MCU: variants seen among roughly 807,000 people sequenced by gnomAD.
The protein encoded by MCU is mitochondrial calcium uniporter, also known as calcium uniporter protein, mitochondrial.
Under a neutral mutation model 45.2 loss-of-function variants are expected in MCU, and 12 were observed. The ratio of observed to expected loss-of-function variants is 0.27; its 90% CI spans 0.17 to 0.43. The LOEUF (loss-of-function observed/expected upper bound fraction) is 0.43. MCU is among the 20% of genes least tolerant of loss of function. The pLI, the probability that MCU is intolerant of heterozygous loss-of-function variation, is 1.00. For missense variants in MCU, 324 were observed against 436.7 expected (o/e 0.74, Z 2.30); for synonymous variants, 160 against 165.1 (o/e 0.97, Z 0.24).
chr10:72,702,895 C>T (rs1299395276), intron 1 of MCU, among the ~76,000 whole-genome samples: 1 of 151,732 alleles, frequency 6.6e-6, no homozygotes, highest in Non-Finnish European at 1.5e-5. Context: ...AGGAGAATCA[C>T]TTGAACCGGG....
intron 2 of MCU, among the ~76,000 whole-genome samples, chr10:72,845,481 C>T (rs1285024356): frequency 6.6e-6 from 1 of 152,062 alleles, no homozygotes; most frequent in African/African-American, 2.4e-5. Context: ...TGATGTTGGT[C>T]CCAAAAGAGT....
chr10:72,697,968 A>C (rs571770422), intron 1 of MCU, among the ~76,000 whole-genome samples: 1 of 151,344 alleles, frequency 6.6e-6, no homozygotes, highest in African/African-American at 2.4e-5. Flanking sequence ...TTTTTGGAGA[A>C]ACAGTCTTGC....
At chr10:72,827,726 T>C (rs1844818990) in intron 1 of MCU, among the ~76,000 whole-genome samples, 1 of 152,208 alleles carries the variant, frequency 6.6e-6, no homozygotes, top group Non-Finnish European at 1.5e-5. Context: ...ATTGTCACTT[T>C]CCTTAAGTGA....
chr10:72,824,475 C>T (rs1844765937), intron 1 of MCU, among the ~76,000 whole-genome samples: 1 of 151,526 alleles, frequency 6.6e-6, no homozygotes, highest in Non-Finnish European at 1.5e-5. Context: ...TCCCAAAGTG[C>T]TGGGATTACA....
At chr10:72,741,981 T>C (rs2132698065) in intron 1 of MCU, among the ~76,000 whole-genome samples, 1 of 120,662 alleles carries the variant, frequency 8.3e-6, no homozygotes, top group African/African-American at 3.3e-5. Flanking sequence ...TGAGCCGAGA[T>C]CACTGCCCTC....
rs1350241262 is a variant in MCU at position 72,739,107 on chromosome 10, A to G, written c.150+46806A>G. On this transcript the variant is annotated intron_variant, in intron 1 of 7. Coordinates refer to ENST00000373053, the MANE Select transcript of MCU (RefSeq NM_138357.3). ...ATGCCACAGTGATGTGCTATATATTATAGATGTATAATAAATTATAATTAA... is the reference window on the plus strand; with the variant it reads ...ATGCCACAGTGATGTGCTATATATTGTAGATGTATAATAAATTATAATTAA... Among the ~76,000 whole-genome samples the G allele has an allele frequency of 2.6e-5, 4 of 152,214 alleles. No homozygotes were observed. In the East Asian group the frequency reaches 7.7e-4, roughly 29 times the overall value.
chr10:72,775,845 C>A (rs181914319), intron 1 of MCU, among the ~76,000 whole-genome samples: 36 of 152,102 alleles, frequency 2.4e-4, no homozygotes, highest in African/African-American at 8.7e-4. Context: ...CTCAGCAAAC[C>A]GATCATGAGT....
chr10:72,841,859 C>T (rs573320744), intron 2 of MCU, among the ~76,000 whole-genome samples: 2 of 152,128 alleles, frequency 1.3e-5, no homozygotes, highest in East Asian at 3.8e-4. Context: ...TAAAATCTTC[C>T]TTTGCTTGAT....
chr10:72,782,362 G>C (rs905320745), intron 1 of MCU, among the ~76,000 whole-genome samples: 2 of 151,906 alleles, frequency 1.3e-5, no homozygotes, highest in African/African-American at 2.4e-5. Context: ...CCTTAAAATC[G>C]TGTATCTGTT....
At chr10:72,692,887 G>C in intron 1 of MCU, 4 of 1,471,188 alleles carry the variant, frequency 2.7e-6, no homozygotes, top group Non-Finnish European at 3.6e-6. Context: ...CTTCCTCTGT[G>C]TGTGTGCATG....
chr10:72,860,709 C>T (rs891887843), intron 4 of MCU, among the ~76,000 whole-genome samples, 182 bp downstream of exon 4: 22 of 152,134 alleles, frequency 1.4e-4, no homozygotes, highest in Admixed American at 3.9e-4. Flanking sequence ...TTGGCTAGTA[C>T]GTCGACAAAA....
intron 3 of MCU, chr10:72,860,138 C>T (rs938848771): frequency 3.9e-5 from 13 of 330,796 alleles, no homozygotes; most frequent in African/African-American, 2.5e-4. Flanking sequence ...ATACAGCTGT[C>T]CCAGTGACCC....
intron 1 of MCU, among the ~76,000 whole-genome samples, chr10:72,712,603 G>C (rs928427781): frequency 6.6e-6 from 1 of 152,156 alleles, no homozygotes; most frequent in Admixed American, 6.6e-5. Flanking sequence ...TAAAAAGGCT[G>C]TTCTTGAATT....
intron 4 of MCU, among the ~76,000 whole-genome samples, chr10:72,867,854 CAAA>C (rs777086421): frequency 1.6e-4 from 10 of 62,856 alleles, no homozygotes; most frequent in Admixed American, 1.9e-4. Context: ...GACTTTGTCT[CAAA>C]AAAAAAAAAA....
At chr10:72,776,847 C>T (rs1843902131) in intron 1 of MCU, among the ~76,000 whole-genome samples, 1 of 152,144 alleles carries the variant, frequency 6.6e-6, no homozygotes, top group African/African-American at 2.4e-5. Flanking sequence ...ATTGTTAACA[C>T]TGATAAATGA....
At chr10:72,734,820 G>A (rs922086062) in intron 1 of MCU, among the ~76,000 whole-genome samples, 5 of 151,706 alleles carry the variant, frequency 3.3e-5, no homozygotes, top group African/African-American at 9.7e-5. Flanking sequence ...GTCTCACTAT[G>A]TTGCCCAGGC....
intron 4 of MCU, among the ~76,000 whole-genome samples, chr10:72,865,802 A>G (rs1318178370): frequency 3.1e-4 from 34 of 109,104 alleles, no homozygotes; most frequent in East Asian, 1.1e-3. Context: ...TTTGAGATGG[A>G]GTCTTGCTCT....
intron 1 of MCU, among the ~76,000 whole-genome samples, chr10:72,765,238 T>C (rs74145950): frequency 0.04 from 6,031 of 152,224 alleles, 391 homozygotes; most frequent in African/African-American, 0.13. Flanking sequence ...TGTTTAGAAA[T>C]GTATTAATTA....
intron 1 of MCU, among the ~76,000 whole-genome samples, chr10:72,830,229 A>C (rs1158579614): frequency 2.0e-5 from 3 of 152,186 alleles, no homozygotes; most frequent in Non-Finnish European, 4.4e-5. Flanking sequence ...TGTTCTAATA[A>C]AATTTATTTA....
Sources: gnomAD v4.1 joint callset for allele counts (sites outside exome capture counted in the v4.1 genomes callset) on GRCh38, gnomAD v4.1.1 for gene constraint, MANE v1.5 for transcripts, NCBI Gene and HGNC (gene_info 2026-07-23, HGNC 2026-07-21) for gene names.